WDR7: variants seen among roughly 807,000 people sequenced by gnomAD.
WDR7 encodes WD repeat-containing protein 7.
A neutral mutation model predicts 169.4 loss-of-function variants in WDR7; 46 were observed. That is an observed-to-expected ratio of 0.27 (90% CI 0.21 to 0.35). WDR7 has a LOEUF of 0.35. Among genes scored for constraint, WDR7 ranks in the 10% least tolerant of loss-of-function variants. The pLI, the probability that WDR7 is intolerant of heterozygous loss-of-function variation, is 1.00. For missense variants in WDR7, 1,534 were observed against 1,859.3 expected (o/e 0.83, Z 3.22); for synonymous variants, 612 against 666.8 (o/e 0.92, Z 1.27).
chr18:56,777,639 A>G (rs1240766396), intron 17 of WDR7, among the ~76,000 whole-genome samples: 5 of 152,192 alleles, frequency 3.3e-5, no homozygotes, highest in Non-Finnish European at 7.4e-5. Context: ...CACTTTGCAT[A>G]ACATAAAAAG....
At chr18:56,842,696 TAC>T (rs138525642) in intron 20 of WDR7, among the ~76,000 whole-genome samples, 10 of 151,408 alleles carry the variant, frequency 6.6e-5, no homozygotes, top group African/African-American at 1.9e-4. Flanking sequence ...TTTTCTCTCT[TAC>T]ACACACACAC....
intron 26 of WDR7, among the ~76,000 whole-genome samples, chr18:57,012,596 G>A (rs923431682): frequency 6.6e-6 from 1 of 152,248 alleles, no homozygotes; most frequent in African/African-American, 2.4e-5. Context: ...CCCTGCTGTA[G>A]CTGCCTGGGC....
At chr18:56,841,345 C>A (rs959877819) in intron 20 of WDR7, among the ~76,000 whole-genome samples, 1 of 151,880 alleles carries the variant, frequency 6.6e-6, no homozygotes, top group African/African-American at 2.4e-5. Flanking sequence ...AGTTTGAGAC[C>A]AGCCTGGCCA....
chr18:56,753,059 G>C (rs1276458464), intron 14 of WDR7, among the ~76,000 whole-genome samples: 1 of 152,136 alleles, frequency 6.6e-6, no homozygotes. Flanking sequence ...AGGTAAGTCT[G>C]GATTTTATCC....
intron 12 of WDR7, chr18:56,699,803 CA>C: frequency 1.0e-6 from 1 of 985,294 alleles, no homozygotes; most frequent in Non-Finnish European, 1.2e-6. Context: ...AGATAGTAAA[CA>C]AAAAGTGAAA....
In WDR7 at chr18:56,730,626, C is replaced by T. The variant is rs184284161; in HGVS notation, c.1775-757C>T. ...CTAAAAATACAAAAAATTAGCCGGG[C>T]GTGATGGCGGGCACCTGTGGTCCCA... On this transcript the variant is annotated intron_variant, in intron 13 of 27. Transcript: ENST00000254442. Among the ~76,000 whole-genome samples the T allele has an allele frequency of 2.6e-3, 391 of 152,040 alleles. 3 individuals are homozygous for T. The East Asian group carries it at 0.032, about 12-fold the overall frequency.
In WDR7 at chr18:56,756,769, A is replaced by T; in HGVS notation, c.2176A>T (p.Ser726Cys). Residue 726 changes from serine (S) to cysteine (C), a missense_variant, in exon 15 of 28, where the codon AGT becomes TGT. Coordinates refer to ENST00000254442, the MANE Select transcript of WDR7 (RefSeq NM_015285.3). The part of the protein sequence containing the change: ...SPENLQKASG[S>C]SDKGGSFLTG... ...AGAGAATTTGCAAAAAGCATCTGGC[A>T]GTTCAGACAAAGGGGGCTCTTTTTT... 1.2e-6 allele frequency: 2 copies of T among 1,614,174 alleles called. No homozygotes were observed. The highest frequency in any genetic ancestry group is 1.1e-5 in the South Asian group (1 of 91,086).
chr18:56,809,989 T>C (rs992612886), intron 19 of WDR7, among the ~76,000 whole-genome samples: 1 of 152,174 alleles, frequency 6.6e-6, no homozygotes, highest in Non-Finnish European at 1.5e-5. Flanking sequence ...ATTTTTGTTT[T>C]GCCTTTTACA....
intron 25 of WDR7, among the ~76,000 whole-genome samples, chr18:56,960,013 C>T (rs1439008222): frequency 6.6e-6 from 1 of 152,110 alleles, no homozygotes; most frequent in African/African-American, 2.4e-5. Context: ...GTTAAGAGAG[C>T]CACTGCTAAA....
At chr18:56,841,958 A>G (rs1458754434) in intron 20 of WDR7, among the ~76,000 whole-genome samples, 1 of 152,210 alleles carries the variant, frequency 6.6e-6, no homozygotes, top group African/African-American at 2.4e-5. Context: ...TGCTTCTACA[A>G]TTAAATGTTG....
intron 21 of WDR7, among the ~76,000 whole-genome samples, chr18:56,900,431 C>T (rs775012794): frequency 6.6e-6 from 1 of 151,962 alleles, no homozygotes; most frequent in East Asian, 1.9e-4. Flanking sequence ...ACATCAGTTA[C>T]CTAAACAGTG....
At chr18:56,802,589 C>T (rs539961273) in intron 19 of WDR7, among the ~76,000 whole-genome samples, 46 of 149,782 alleles carry the variant, frequency 3.1e-4, no homozygotes, top group Non-Finnish European at 5.6e-4. Flanking sequence ...AGGATGGTCT[C>T]GATCTCCTGA....
chr18:56,951,809 C>G (rs2047188146), intron 25 of WDR7, among the ~76,000 whole-genome samples: 1 of 151,990 alleles, frequency 6.6e-6, no homozygotes, highest in African/African-American at 2.4e-5. Flanking sequence ...AATTTTCAAC[C>G]TCTTTAATCT....
chr18:56,734,060 A>G (rs897277957), intron 14 of WDR7, among the ~76,000 whole-genome samples: 6 of 152,046 alleles, frequency 3.9e-5, no homozygotes, highest in Non-Finnish European at 7.4e-5. Context: ...TTGCAGCCTC[A>G]AGGCTGTGTT....
intron 21 of WDR7, among the ~76,000 whole-genome samples, chr18:56,903,488 C>T (rs1010365657): frequency 7.2e-5 from 11 of 152,048 alleles, no homozygotes; most frequent in African/African-American, 2.2e-4. Context: ...GACGTGATCT[C>T]GACTCACTGC....
intron 1 of WDR7, among the ~76,000 whole-genome samples, chr18:56,662,906 T>C (rs1175658033): frequency 6.6e-6 from 1 of 152,260 alleles, no homozygotes; most frequent in Non-Finnish European, 1.5e-5. Flanking sequence ...ACAGCTTTTT[T>C]AGCCTGTTCA....
intron 1 of WDR7, among the ~76,000 whole-genome samples, chr18:56,660,783 G>C (rs567981145): frequency 1.3e-5 from 2 of 152,280 alleles, no homozygotes; most frequent in African/African-American, 4.8e-5. Flanking sequence ...GACGGAATAT[G>C]AACTATGTCA....
At chr18:56,794,304 A>ATTTTTTTTTTTTCT (rs2044544509) in intron 19 of WDR7, among the ~76,000 whole-genome samples, 1 of 49,468 alleles carries the variant, frequency 2.0e-5, no homozygotes, top group Non-Finnish European at 3.8e-5. Context: ...GGTAAAGTCT[A>ATTTTTTTTTTTTCT]TTTTTTTTTT....
At chr18:56,765,030 A>C (rs557361682) in intron 16 of WDR7, among the ~76,000 whole-genome samples, 1 of 152,200 alleles carries the variant, frequency 6.6e-6, no homozygotes, top group South Asian at 2.1e-4. Context: ...CTTTGCTTTG[A>C]AATTTACTTT....
Sources: gnomAD v4.1 joint callset for allele counts (sites outside exome capture counted in the v4.1 genomes callset) on GRCh38, gnomAD v4.1.1 for gene constraint, MANE v1.5 for transcripts, NCBI Gene and HGNC (gene_info 2026-07-23, HGNC 2026-07-21) for gene names.